Variants in EYA4 observed in about 807,000 individuals in gnomAD.
EYA4 encodes EYA transcriptional coactivator and phosphatase 4, also known as protein phosphatase EYA4.
In EYA4, 31 loss-of-function variants were observed where a neutral mutation model predicts 87.9. The ratio of observed to expected loss-of-function variants is 0.35; its 90% CI spans 0.27 to 0.48. EYA4 has a LOEUF of 0.48. Among genes scored for constraint, EYA4 ranks in the 20% least tolerant of loss-of-function variants. The probability of loss-of-function intolerance (pLI) is 0.99; values close to 1 mark genes in which losing one functional copy is unlikely to be tolerated. For missense variants in EYA4, 678 were observed against 761.4 expected (o/e 0.89, Z 1.29); for synonymous variants, 263 against 270.6 (o/e 0.97, Z 0.28).
rs555497553 is a variant in EYA4 at position 133,264,849 on chromosome 6, A to G, written c.-65-9867A>G. Among the ~76,000 whole-genome samples the G allele has an allele frequency of 1.1e-3, 161 of 152,098 alleles. 1 individual carries two copies. Among genetic ancestry groups the G allele is most frequent in the African/African-American group, 3.8e-3 (159 of 41,480 alleles). ...TTCTTTCTTTCTTTCTTTTCTCTAG[A>G]GAGAGAGGGTCTCCGCTCTGTCACC... On this transcript the variant is annotated intron_variant, in intron 1 of 19. Coordinates refer to ENST00000355286, the MANE Select transcript of EYA4 (RefSeq NM_004100.5).
At chr6:133,350,581 A>G (rs749028361) in intron 2 of EYA4, among the ~76,000 whole-genome samples, 3 of 152,066 alleles carry the variant, frequency 2.0e-5, no homozygotes, top group Non-Finnish European at 4.4e-5. Flanking sequence ...CATGGAGAAC[A>G]GCAAACTGGA....
chr6:133,387,279 C>T (rs1786832928), intron 3 of EYA4, among the ~76,000 whole-genome samples: 1 of 152,134 alleles, frequency 6.6e-6, no homozygotes, highest in African/African-American at 2.4e-5. Flanking sequence ...TGTTTATCTG[C>T]ATATAATTGC....
intron 1 of EYA4, among the ~76,000 whole-genome samples, chr6:133,254,340 G>T (rs886772848): frequency 6.6e-6 from 1 of 152,040 alleles, no homozygotes; most frequent in Non-Finnish European, 1.5e-5. Context: ...TTCTGTATTT[G>T]TTTGTGTCAG....
chr6:133,433,176 GA>G (rs1485167935), intron 3 of EYA4, among the ~76,000 whole-genome samples: 1 of 152,150 alleles, frequency 6.6e-6, no homozygotes, highest in Non-Finnish European at 1.5e-5. Context: ...GTTCTAAAAT[GA>G]AATTCTCAAA....
rs369757063 is a variant in EYA4, at chr6:133,324,944, C to T, written c.33+50131C>T. On this transcript the variant is annotated intron_variant, in intron 2 of 19. Coordinates refer to ENST00000355286, the MANE Select transcript of EYA4 (RefSeq NM_004100.5). The stretch of plus-strand genomic sequence containing the variant: ...TTTTTTTTTTGAGACAGAGTCTCGC[C>T]CTGTCCCCCAGACTGGAGTGCAGTG... 4.9e-4 allele frequency among the ~76,000 whole-genome samples: 71 copies of T among 143,676 alleles called. No individual in the cohort carries two copies. In the Middle Eastern group the frequency reaches 0.011, roughly 22 times the overall value. The allele number at this position is 143,676 out of a possible 152,430, so 94.3% of individuals were successfully genotyped here. A position where few individuals can be genotyped will look rare whatever the true frequency, so the allele number is the denominator to read the frequency against.
intron 1 of EYA4, among the ~76,000 whole-genome samples, chr6:133,268,552 G>A (rs1371475206): frequency 1.3e-5 from 2 of 152,176 alleles, no homozygotes; most frequent in African/African-American, 2.4e-5. Flanking sequence ...GGATTGACAT[G>A]AGGTGGGCAG....
intron 3 of EYA4, among the ~76,000 whole-genome samples, chr6:133,402,307 G>A (rs1469382263): frequency 1.3e-5 from 2 of 152,038 alleles, no homozygotes; most frequent in East Asian, 3.8e-4. Flanking sequence ...TACCTTAAGA[G>A]GGAAAACCAC....
Position 133,346,891 on chromosome 6 carries a change from A to G in EYA4, c.34-35501A>G, listed in dbSNP as rs1438454116. Among the ~76,000 whole-genome samples, 3 of 152,300 alleles carry G rather than the reference A, an allele frequency of 2.0e-5. No homozygotes were observed. In the East Asian group the frequency reaches 5.8e-4, roughly 29 times the overall value. Reference sequence around the variant, plus strand: ...TTCTGCAATTCTGCATTTTATGGAAATGGAAGCATTGTTTTAAGGATGATG... The same window carrying G: ...TTCTGCAATTCTGCATTTTATGGAAGTGGAAGCATTGTTTTAAGGATGATG... On this transcript the variant is annotated intron_variant, in intron 2 of 19. Coordinates refer to ENST00000355286, the MANE Select transcript of EYA4 (RefSeq NM_004100.5).
intron 2 of EYA4, among the ~76,000 whole-genome samples, chr6:133,285,153 C>T (rs9389064): frequency 0.12 from 18,114 of 150,634 alleles, 1,352 homozygotes; most frequent in Non-Finnish European, 0.17. Flanking sequence ...CCCGCCACCA[C>T]GCCCGGCTAA....
chr6:133,390,273 G>A (rs1264920696), intron 3 of EYA4, among the ~76,000 whole-genome samples: 1 of 152,068 alleles, frequency 6.6e-6, no homozygotes, highest in Non-Finnish European at 1.5e-5. Flanking sequence ...AGACTGGAGT[G>A]CGGTGGCAGA....
chr6:133,326,198 T>TG lies in EYA4; in HGVS notation c.33+51386dup, dbSNP rs573135411. On this transcript the variant is annotated intron_variant, in intron 2 of 19. Coordinates refer to ENST00000355286, the MANE Select transcript of EYA4 (RefSeq NM_004100.5). ...TCCAGAGCCAGCCTTGACCAGAGCT[T>TG]GACCCATGCTGGGGGAACTTAGCTC... is the stretch of plus-strand genomic sequence containing the variant. Among the ~76,000 whole-genome samples the TG allele has an allele frequency of 1.4e-4, 21 of 152,304 alleles. No homozygotes were observed. In the South Asian group the frequency reaches 4.3e-3, roughly 32 times the overall value.
chr6:133,418,005 TC>T (rs957317594), intron 3 of EYA4, among the ~76,000 whole-genome samples: 2 of 152,204 alleles, frequency 1.3e-5, no homozygotes, highest in Admixed American at 1.3e-4. Context: ...AAAACATATA[TC>T]CCACACCCTC....
chr6:133,297,667 T>A (rs1032054994), intron 2 of EYA4, among the ~76,000 whole-genome samples: 3 of 152,224 alleles, frequency 2.0e-5, no homozygotes, highest in Non-Finnish European at 4.4e-5. Context: ...TTTTGTTCTC[T>A]GAGATATTCC....
intron 2 of EYA4, 120 bp from the exon 3 acceptor site, chr6:133,382,272 G>A (rs777662360): frequency 2.9e-5 from 23 of 780,050 alleles, no homozygotes; most frequent in Non-Finnish European, 4.7e-5. Flanking sequence ...CTGCTGTAAA[G>A]TGTGGGGGGT....
intron 17 of EYA4, among the ~76,000 whole-genome samples, chr6:133,520,608 CT>C (rs1667548678): frequency 8.2e-6 from 1 of 121,538 alleles, no homozygotes; most frequent in Non-Finnish European, 1.7e-5. Context: ...CTACCAATGC[CT>C]TTCTTCACAG....
chr6:133,394,570 GA>G (rs887066431), intron 3 of EYA4, among the ~76,000 whole-genome samples: 1,607 of 144,756 alleles, frequency 0.011, 36 homozygotes, highest in African/African-American at 0.038. Context: ...ATTACAGAGA[GA>G]AAAAAAAAAG....
At chr6:133,264,803 G>T (rs1776080519) in intron 1 of EYA4, among the ~76,000 whole-genome samples, 1 of 152,124 alleles carries the variant, frequency 6.6e-6, no homozygotes. Context: ...AGCAAAGCAT[G>T]CCTGGACAAC....
chr6:133,522,912 G>T, intron 17 of EYA4, 144 bp from the exon 18 acceptor site: 1 of 675,032 alleles, frequency 1.5e-6, no homozygotes, highest in Non-Finnish European at 2.6e-6. Flanking sequence ...TATTGGAGGA[G>T]TGTCTGTCTG....
In EYA4 at chr6:133,424,634, C is replaced by CAGTTACCTAATAGGTACTCGG. The variant is rs1583240070; in HGVS notation, c.84-21996_84-21995insAGTTACCTAATAGGTACTCGG. Among the ~76,000 whole-genome samples, 41 of 151,496 alleles carry CAGTTACCTAATAGGTACTCGG rather than the reference C, an allele frequency of 2.7e-4. 1 individual carries two copies. Among genetic ancestry groups the CAGTTACCTAATAGGTACTCGG allele is most frequent in the African/African-American group, 9.0e-4 (37 of 40,908 alleles). On this transcript the variant is annotated intron_variant, in intron 3 of 19. Coordinates refer to ENST00000355286, the MANE Select transcript of EYA4 (RefSeq NM_004100.5). ...GCTGCACCCAGAAGCTCCCACCCTG[C>CAGTTACCTAATAGGTACTCGG]CAACTTGGAAGGGGCGGGACTCCTA...
Sources: gnomAD v4.1 joint callset for allele counts (sites outside exome capture counted in the v4.1 genomes callset) on GRCh38, gnomAD v4.1.1 for gene constraint, MANE v1.5 for transcripts, NCBI Gene and HGNC (gene_info 2026-07-23, HGNC 2026-07-21) for gene names.